The following NPSR1 variants were observed in gnomAD, a reference collection of about 807,000 sequenced individuals.
NPSR1 encodes the protein neuropeptide S receptor 1, also known as neuropeptide S receptor.
Under a neutral mutation model 46.9 loss-of-function variants are expected in NPSR1, and 48 were observed. That is an observed-to-expected ratio of 1.02 (90% CI 0.81 to 1.30). The LOEUF (loss-of-function observed/expected upper bound fraction) is 1.30. Ranked by LOEUF, NPSR1 falls within the 50% of genes most tolerant of loss-of-function variation. NPSR1 has a pLI of 0.00. For synonymous variants in NPSR1, 176 were observed against 168.1 expected (o/e 1.05, Z -0.36); for missense variants, 450 against 449.5 (o/e 1.00, Z -0.01).
intron 2 of NPSR1, among the ~76,000 whole-genome samples, chr7:34,730,074 A>G (rs946418258): frequency 1.3e-5 from 2 of 152,218 alleles, no homozygotes; most frequent in Non-Finnish European, 2.9e-5. Context: ...GTGCCTGGTC[A>G]TGAATAAATT....
chr7:34,776,546 A>G (rs1786966385), intron 2 of NPSR1, among the ~76,000 whole-genome samples: 1 of 152,134 alleles, frequency 6.6e-6, no homozygotes, highest in Non-Finnish European at 1.5e-5. Flanking sequence ...TTCCATTGAC[A>G]TGGAATATCT....
At chr7:34,691,189 G>C (rs1170709664) in intron 2 of NPSR1, among the ~76,000 whole-genome samples, 1 of 152,170 alleles carries the variant, frequency 6.6e-6, no homozygotes, top group Admixed American at 6.5e-5. Flanking sequence ...AAGGGAATTT[G>C]TCAATACTAG....
At chr7:34,792,528 T>G (rs1016278506) in intron 3 of NPSR1, among the ~76,000 whole-genome samples, 1 of 142,826 alleles carries the variant, frequency 7.0e-6, no homozygotes, top group Non-Finnish European at 1.5e-5. Flanking sequence ...TATATATATA[T>G]GTACATATAT....
intron 2 of NPSR1, among the ~76,000 whole-genome samples, chr7:34,733,894 T>TA (rs1784551074): frequency 6.6e-6 from 1 of 152,170 alleles, no homozygotes; most frequent in Non-Finnish European, 1.5e-5. Context: ...TTGGTACTGC[T>TA]ATAGAAAACT....
chr7:34,696,937 A>T (rs1793560970), intron 2 of NPSR1, among the ~76,000 whole-genome samples: 1 of 152,024 alleles, frequency 6.6e-6, no homozygotes, highest in Non-Finnish European at 1.5e-5. Flanking sequence ...TTGAAATGAA[A>T]ATATTTATGC....
At chr7:34,854,838 A>C (rs1791015201), downstream of NPSR1, among the ~76,000 whole-genome samples, 1 of 152,092 alleles carries the variant, frequency 6.6e-6, no homozygotes, top group African/African-American at 2.4e-5. Flanking sequence ...CTGAACAGAC[A>C]TTTTTTTCAA....
chr7:34,725,373 C>A (rs577517650), intron 2 of NPSR1, among the ~76,000 whole-genome samples: 17 of 152,114 alleles, frequency 1.1e-4, no homozygotes, highest in Middle Eastern at 3.2e-3. Flanking sequence ...AATCCTCTAC[C>A]GGGATAAGAT....
In NPSR1 at chr7:34,787,889, C is replaced by T. The variant is rs142931351; in HGVS notation, c.384+9324C>T. On this transcript the variant is annotated intron_variant, in intron 3 of 8. Transcript: ENST00000360581. Reference sequence around the variant, plus strand: ...CTTGATCACAGATAGCCTTAATGGACGTAATAATAACAATAATGAAAAAGC... The same window carrying T: ...CTTGATCACAGATAGCCTTAATGGATGTAATAATAACAATAATGAAAAAGC... 4.7e-3 allele frequency among the ~76,000 whole-genome samples: 707 copies of T among 151,906 alleles called. 7 individuals carry two copies. Among genetic ancestry groups the T allele is most frequent in the African/African-American group, 0.016 (680 of 41,442 alleles).
intron 1 of NPSR1, among the ~76,000 whole-genome samples, chr7:34,660,476 C>T (rs1228995578): frequency 6.6e-6 from 1 of 152,162 alleles, no homozygotes; most frequent in East Asian, 1.9e-4. Context: ...TTCATTTTAT[C>T]TGACATACTT....
At chr7:34,783,120 A>G (rs1787307526) in intron 3 of NPSR1, among the ~76,000 whole-genome samples, 1 of 152,124 alleles carries the variant, frequency 6.6e-6, no homozygotes, top group Non-Finnish European at 1.5e-5. Flanking sequence ...AGATGAAGAA[A>G]GCTTAAGAGA....
chr7:34,665,251 T>C (rs1205834000), intron 1 of NPSR1, among the ~76,000 whole-genome samples: 1 of 152,178 alleles, frequency 6.6e-6, no homozygotes, highest in Non-Finnish European at 1.5e-5. Context: ...CATATCACAG[T>C]AGCAAACAGG....
chr7:34,788,570 G>T (rs1297106797), intron 3 of NPSR1, among the ~76,000 whole-genome samples: 2 of 151,874 alleles, frequency 1.3e-5, no homozygotes, highest in Non-Finnish European at 2.9e-5. Context: ...GGGCAAATAA[G>T]GTCATTGCAT....
At chr7:34,725,359 C>T (rs58860487) in intron 2 of NPSR1, among the ~76,000 whole-genome samples, 46,219 of 152,144 alleles carry the variant, frequency 0.3, 7,524 homozygotes, top group East Asian at 0.44. Context: ...CATCAACTGT[C>T]CCAAATCCTC....
rs746585711 is a variant in NPSR1, at chr7:34,844,883, C to G, written c.758-13C>G. 1.9e-6 allele frequency: 3 copies of G among 1,543,382 alleles called. No homozygotes were observed. Among genetic ancestry groups the G allele is most frequent in the Non-Finnish European group, 2.7e-6 (3 of 1,115,600 alleles). ...GAACACTTCATCTTACTATTCCCCT[C>G]TTGTATCTACAGATGGGAAACTGTG... On this transcript the variant is annotated splice_polypyrimidine_tract_variant and intron_variant, in intron 6 of 8. Transcript: ENST00000360581.
At chr7:34,770,252 T>C (rs1786617070) in intron 2 of NPSR1, among the ~76,000 whole-genome samples, 1 of 152,194 alleles carries the variant, frequency 6.6e-6, no homozygotes, top group South Asian at 2.1e-4. Flanking sequence ...ATTCATCCAG[T>C]CCATTTGTGC....
intron 2 of NPSR1, among the ~76,000 whole-genome samples, chr7:34,768,873 G>T (rs1481323333): frequency 6.6e-6 from 1 of 152,144 alleles, no homozygotes. Flanking sequence ...ACTGAGTATT[G>T]AGATGTTCTG....
intron 2 of NPSR1, among the ~76,000 whole-genome samples, chr7:34,723,727 G>A (rs1384243322): frequency 6.6e-6 from 1 of 151,988 alleles, no homozygotes. Context: ...GGCTAGACTT[G>A]AACTCCTGTG....
At chr7:34,858,392 A>G (rs1252055335) in intron 8 of NPSR1, among the ~76,000 whole-genome samples, 1 of 151,864 alleles carries the variant, frequency 6.6e-6, no homozygotes, top group African/African-American at 2.4e-5. Flanking sequence ...TTGCAGCAAC[A>G]TAAAAAAACT....
At chr7:34,718,494 T>A (rs1162847303) in intron 2 of NPSR1, among the ~76,000 whole-genome samples, 1 of 152,176 alleles carries the variant, frequency 6.6e-6, no homozygotes, top group East Asian at 1.9e-4. Flanking sequence ...GACCTCTTTT[T>A]TAGAGGATTG....
Sources: gnomAD v4.1 joint callset for allele counts (sites outside exome capture counted in the v4.1 genomes callset) on GRCh38, gnomAD v4.1.1 for gene constraint, MANE v1.5 for transcripts, NCBI Gene and HGNC (gene_info 2026-07-23, HGNC 2026-07-21) for gene names.